Variants in BBS9 observed in about 807,000 individuals in gnomAD.
The protein encoded by BBS9 is protein PTHB1.
In BBS9, 89 loss-of-function variants were observed where a neutral mutation model predicts 117.7. That is an observed-to-expected ratio of 0.76 (90% CI 0.64 to 0.90). The LOEUF (loss-of-function observed/expected upper bound fraction) is 0.90. Ranked by LOEUF, BBS9 falls within the 40% of genes least tolerant of loss-of-function variation. BBS9 has a pLI of 0.00. For synonymous variants in BBS9, 379 were observed against 370.9 expected (o/e 1.02, Z -0.25); for missense variants, 982 against 1,042.2 (o/e 0.94, Z 0.80).
At chr7:33,283,241 A>G (rs1487079824) in intron 9 of BBS9, among the ~76,000 whole-genome samples, 1 of 152,166 alleles carries the variant, frequency 6.6e-6, no homozygotes, top group Non-Finnish European at 1.5e-5. Context: ...AAATTTGGAC[A>G]TTCCATTTGG....
intron 1 of BBS9, among the ~76,000 whole-genome samples, chr7:33,134,970 G>C (rs752885678): frequency 3.0e-4 from 45 of 152,014 alleles, no homozygotes; most frequent in Admixed American, 2.6e-4. Flanking sequence ...ATGGCTCTCT[G>C]TAGCCTCAGC....
chr7:33,303,923 C>T (rs111289071), intron 9 of BBS9, among the ~76,000 whole-genome samples: 17,236 of 152,046 alleles, frequency 0.11, 1,153 homozygotes, highest in African/African-American at 0.18. Flanking sequence ...TCTGCCTGGC[C>T]GCCACCCTGT....
At chr7:33,534,326 G>A in intron 21 of BBS9, 150 bp downstream of exon 21, 1 of 802,584 alleles carries the variant, frequency 1.2e-6, no homozygotes, top group South Asian at 1.5e-5. Flanking sequence ...ACATCCCAGG[G>A]TAACCCCTTG....
At chr7:33,277,944 C>A (rs368413420) in intron 9 of BBS9, among the ~76,000 whole-genome samples, 1 of 152,176 alleles carries the variant, frequency 6.6e-6, no homozygotes, top group South Asian at 2.1e-4. Context: ...ATTCAGGCTA[C>A]TCTATCCTCC....
chr7:33,187,232 C>T (rs73319406), intron 5 of BBS9, among the ~76,000 whole-genome samples: 12,849 of 152,184 alleles, frequency 0.084, 586 homozygotes, highest in South Asian at 0.13. Flanking sequence ...ATATACTTAA[C>T]GTAGTAAAAT....
intron 5 of BBS9, among the ~76,000 whole-genome samples, chr7:33,244,502 A>T (rs1321968188): frequency 6.6e-6 from 1 of 152,164 alleles, no homozygotes; most frequent in African/African-American, 2.4e-5. Context: ...TAACTAAATT[A>T]TCTGATATCC....
intron 15 of BBS9, among the ~76,000 whole-genome samples, chr7:33,355,465 T>G (rs1819454237): frequency 6.6e-6 from 1 of 151,960 alleles, no homozygotes; most frequent in Admixed American, 6.6e-5. Flanking sequence ...TTTAAAGGAT[T>G]TCATAACTTT....
intron 8 of BBS9, 92 bp downstream of exon 8, chr7:33,273,287 A>C (rs958294024): frequency 7.7e-7 from 1 of 1,294,938 alleles, no homozygotes; most frequent in Non-Finnish European, 1.1e-6. Context: ...TATTGTAAAC[A>C]TATATGAAAA....
rs57634663 is a variant in BBS9, at chr7:33,219,549, G to C, written c.443-37687G>C. Among the ~76,000 whole-genome samples the C allele has an allele frequency of 3.8e-3, 581 of 152,298 alleles. 6 individuals are homozygous for C. The highest frequency in any genetic ancestry group is 0.013 in the African/African-American group (545 of 41,566). On this transcript the variant is annotated intron_variant, in intron 5 of 22. Transcript: ENST00000242067. ...TTGTAAGCACACCAGTCAGCACCCT[G>C]TGTCTAGCTCAGGGTTTGTGAATGC...
chr7:33,533,863 C>T (rs1040842809), intron 20 of BBS9, 91 bp from the exon 21 acceptor site: 1 of 1,412,600 alleles, frequency 7.1e-7, no homozygotes, highest in East Asian at 2.3e-5. Context: ...AACACTTGAA[C>T]ATAAACACTC....
intron 21 of BBS9, chr7:33,534,495 T>C (rs949679117): frequency 1.2e-5 from 5 of 416,534 alleles, no homozygotes; most frequent in Non-Finnish European, 2.2e-5. Flanking sequence ...TTTTACTAAA[T>C]GTGATCTCGC....
rs1204735274 is a variant in BBS9 at position 33,303,517 on chromosome 7, T to TCCCC, written c.1016+29562_1016+29565dup. 2.7e-3 allele frequency among the ~76,000 whole-genome samples: 178 copies of TCCCC among 66,328 alleles called. 1 individual carries two copies. Among genetic ancestry groups the TCCCC allele is most frequent in the Non-Finnish European group, 3.6e-3 (123 of 34,050 alleles). The allele number at this position is 66,328 out of a possible 152,430, so 43.5% of individuals were successfully genotyped here. Reference sequence around the variant, plus strand: ...CTTTTTTTAGTATCAACTGAAATGATCCCCTCCCCCCGCCCCTTCTTTCTT... The same window carrying TCCCC: ...CTTTTTTTAGTATCAACTGAAATGATCCCCCCCCTCCCCCCGCCCCTTCTTTCTT... On this transcript the variant is annotated intron_variant, in intron 9 of 22. Coordinates refer to ENST00000242067, the MANE Select transcript of BBS9 (RefSeq NM_198428.3).
intron 19 of BBS9, among the ~76,000 whole-genome samples, chr7:33,400,958 T>C (rs1360066213): frequency 6.6e-6 from 1 of 152,228 alleles, no homozygotes; most frequent in Non-Finnish European, 1.5e-5. Context: ...CTGAGAATCA[T>C]TGATAGAATG....
At chr7:33,409,865 ATTTCCCTTTT>A (rs1400290090) in intron 19 of BBS9, among the ~76,000 whole-genome samples, 3 of 152,010 alleles carry the variant, frequency 2.0e-5, no homozygotes, top group African/African-American at 7.2e-5. Flanking sequence ...TGCTACATGT[ATTTCCCTTTT>A]TTTCCCTCAT....
chr7:33,146,389 T>G (rs780556539), intron 2 of BBS9, 25 bp downstream of exon 2: 1 of 1,562,238 alleles, frequency 6.4e-7, no homozygotes. Flanking sequence ...ACCATACATC[T>G]TGGATGAAAG....
At chr7:33,252,701 C>T (rs1292070235) in intron 5 of BBS9, among the ~76,000 whole-genome samples, 1 of 151,910 alleles carries the variant, frequency 6.6e-6, no homozygotes, top group Non-Finnish European at 1.5e-5. Context: ...TACACATGTT[C>T]TGAGCTTACA....
chr7:33,582,523 TACACACAC>T lies in BBS9; in HGVS notation c.2522-22324_2522-22317del, dbSNP rs141224049. On this transcript the variant is annotated intron_variant, in intron 21 of 22. Transcript: ENST00000242067. ...TCATAGTTATACCTTGTTTCTACAA[TACACACAC>T]ACACACACACACACACATACACACA... 3.4e-5 allele frequency among the ~76,000 whole-genome samples: 5 copies of T among 147,694 alleles called. No individual in the cohort carries two copies. The South Asian group carries it at 1.1e-3, about 32-fold the overall frequency.
intron 9 of BBS9, among the ~76,000 whole-genome samples, chr7:33,318,897 G>T (rs1163809842): frequency 1.3e-5 from 2 of 152,152 alleles, no homozygotes; most frequent in East Asian, 3.9e-4. Flanking sequence ...GGGCACAGTG[G>T]CTCACTCCTG....
intron 5 of BBS9, among the ~76,000 whole-genome samples, chr7:33,196,179 T>C (rs540586127): frequency 6.6e-6 from 1 of 152,146 alleles, no homozygotes; most frequent in Non-Finnish European, 1.5e-5. Flanking sequence ...TTTTGCCACA[T>C]CTTTTTAATT....
Sources: gnomAD v4.1 joint callset for allele counts (sites outside exome capture counted in the v4.1 genomes callset) on GRCh38, gnomAD v4.1.1 for gene constraint, MANE v1.5 for transcripts, NCBI Gene and HGNC (gene_info 2026-07-23, HGNC 2026-07-21) for gene names.